Variants in TRIM33 observed in about 807,000 individuals in gnomAD.
The protein encoded by TRIM33 is tripartite motif containing 33.
In TRIM33, 20 loss-of-function variants were observed where a neutral mutation model predicts 125.4. The observed-to-expected ratio is 0.16, with a 90% confidence interval of 0.11 to 0.23. TRIM33 has a LOEUF of 0.23. Ranked by LOEUF, TRIM33 falls within the 10% of genes least tolerant of loss-of-function variation. The probability of loss-of-function intolerance (pLI) is 1.00; values close to 1 mark genes in which losing one functional copy is unlikely to be tolerated. For synonymous variants in TRIM33, 564 were observed against 513.9 expected (o/e 1.10, Z -1.32); for missense variants, 920 against 1,411.4 (o/e 0.65, Z 5.58).
At chr1:114,470,985 G>C (rs1650603279) in intron 1 of TRIM33, among the ~76,000 whole-genome samples, 1 of 152,172 alleles carries the variant, frequency 6.6e-6, no homozygotes, top group African/African-American at 2.4e-5. Context: ...TTTTTGTAAA[G>C]ACAGGGTCTC....
At chr1:114,414,029 A>G (rs766755973) in intron 11 of TRIM33, among the ~76,000 whole-genome samples, 100 of 49,412 alleles carry the variant, frequency 2.0e-3, no homozygotes, top group South Asian at 5.4e-3. Context: ...AATCACAGGC[A>G]CACACACACA....
At chr1:114,459,340 A>G (rs1557877514) in intron 4 of TRIM33, among the ~76,000 whole-genome samples, 2 of 152,210 alleles carry the variant, frequency 1.3e-5, no homozygotes, top group Non-Finnish European at 2.9e-5. Flanking sequence ...TGAAAGAGCA[A>G]GGGTTGGAGA....
intron 5 of TRIM33, among the ~76,000 whole-genome samples, chr1:114,432,785 CA>C (rs1425761319): frequency 1.3e-4 from 18 of 143,726 alleles, no homozygotes; most frequent in Non-Finnish European, 1.4e-4. Context: ...GACTCCGTCT[CA>C]AAAAAAAAAA....
intron 1 of TRIM33, among the ~76,000 whole-genome samples, chr1:114,481,633 A>G (rs1282166356): frequency 7.0e-6 from 1 of 143,836 alleles, no homozygotes; most frequent in East Asian, 1.9e-4. Context: ...AAAAAACTAT[A>G]TATATATGTG....
At chr1:114,456,381 A>G (rs1423752028) in intron 4 of TRIM33, among the ~76,000 whole-genome samples, 1 of 152,194 alleles carries the variant, frequency 6.6e-6, no homozygotes, top group African/African-American at 2.4e-5. Flanking sequence ...TGCTGGTGCC[A>G]ATGAATTCTT....
At chr1:114,426,485 T>G (rs535906216) in intron 8 of TRIM33, among the ~76,000 whole-genome samples, 22 of 152,156 alleles carry the variant, frequency 1.4e-4, no homozygotes, top group African/African-American at 4.1e-4. Context: ...ATATAATTTT[T>G]TTTTATTATA....
chr1:114,463,602 T>G, intron 2 of TRIM33, 46 bp from the exon 3 acceptor site: 2 of 1,162,348 alleles, frequency 1.7e-6, no homozygotes, highest in Non-Finnish European at 2.4e-6. Flanking sequence ...ACATAAAATC[T>G]AGATCTAAAA....
At chr1:114,407,671 G>A (rs1217518556) in intron 13 of TRIM33, among the ~76,000 whole-genome samples, 2 of 152,130 alleles carry the variant, frequency 1.3e-5, no homozygotes, top group Non-Finnish European at 2.9e-5. Flanking sequence ...ATGGAATAAT[G>A]TTCAGTGTTC....
At position 114,461,211 on chromosome 1, in the gene TRIM33, T is replaced by TAAA. The variant is rs569418875; in HGVS notation, c.923+1890_923+1892dup. Among the ~76,000 whole-genome samples, 851 of 96,130 alleles carry TAAA rather than the reference T, an allele frequency of 8.9e-3. 6 individuals carry two copies. Among genetic ancestry groups the TAAA allele is most frequent in the African/African-American group, 0.031 (783 of 25,050 alleles). 63.1% of individuals were successfully genotyped at this position (96,130 alleles called of 152,430 possible). A position where few individuals can be genotyped will look rare whatever the true frequency, so the allele number is the denominator to read the frequency against. On this transcript the variant is annotated intron_variant, in intron 4 of 19. Coordinates refer to ENST00000358465, the MANE Select transcript of TRIM33 (RefSeq NM_015906.4). ...GGGTGACAGAGCAAGAACCTGTCTT[T>TAAA]AAAAATATATATATATATATATATA... is the stretch of plus-strand genomic sequence containing the variant.
intron 5 of TRIM33, among the ~76,000 whole-genome samples, chr1:114,433,213 C>T (rs1383613822): frequency 2.6e-5 from 4 of 152,146 alleles, no homozygotes; most frequent in Admixed American, 2.0e-4. Context: ...TCTTATAATG[C>T]TACTCATTAA....
chr1:114,399,357 A>C, intron 18 of TRIM33, 100 bp downstream of exon 18: 1 of 1,198,328 alleles, frequency 8.3e-7, no homozygotes, highest in East Asian at 2.6e-5. Context: ...ACTTTAGCAG[A>C]AAAAAAAATT....
chr1:114,478,787 C>A (rs1651125425), intron 1 of TRIM33, among the ~76,000 whole-genome samples: 1 of 152,212 alleles, frequency 6.6e-6, no homozygotes, highest in Non-Finnish European at 1.5e-5. Flanking sequence ...GTGGCTCACT[C>A]CTGTAATCCC....
At chr1:114,425,832 G>T in intron 8 of TRIM33, 109 bp from the exon 9 acceptor site, 2 of 728,686 alleles carry the variant, frequency 2.7e-6, no homozygotes, top group Non-Finnish European at 4.5e-6. Flanking sequence ...GCACCTCAAA[G>T]CTCCAACAGT....
intron 4 of TRIM33, among the ~76,000 whole-genome samples, chr1:114,461,495 A>G (rs1160386498): frequency 6.6e-6 from 1 of 151,446 alleles, no homozygotes; most frequent in East Asian, 1.9e-4. Context: ...ATATGAGGGG[A>G]AACTGGTCAC....
At chr1:114,441,547 G>A (rs7540369) in intron 4 of TRIM33, among the ~76,000 whole-genome samples, 4,930 of 152,184 alleles carry the variant, frequency 0.032, 248 homozygotes, top group African/African-American at 0.11. Flanking sequence ...TGATGACAAC[G>A]TACAATTATT....
intron 15 of TRIM33, chr1:114,404,306 CT>C (rs541324658): frequency 1.1e-3 from 154 of 143,246 alleles, no homozygotes; most frequent in Non-Finnish European, 1.1e-3. Flanking sequence ...TGGCTAAGTT[CT>C]TTTTTTTTTT....
intron 10 of TRIM33, among the ~76,000 whole-genome samples, chr1:114,423,106 A>G (rs1049658038): frequency 6.6e-6 from 1 of 152,186 alleles, no homozygotes; most frequent in African/African-American, 2.4e-5. Flanking sequence ...TGTATATCCA[A>G]AAGAGTTTTG....
At chr1:114,408,229 A>G (rs949767521) in intron 13 of TRIM33, among the ~76,000 whole-genome samples, 13 of 152,166 alleles carry the variant, frequency 8.5e-5, no homozygotes, top group African/African-American at 2.9e-4. Flanking sequence ...AAATTAACTG[A>G]TAGTGATGTA....
intron 11 of TRIM33, 124 bp downstream of exon 11, chr1:114,421,312 T>C (rs565712087): frequency 8.7e-6 from 8 of 920,502 alleles, no homozygotes; most frequent in African/African-American, 5.0e-5. Flanking sequence ...GATTTAGACT[T>C]TACTCTTCAG....
Sources: gnomAD v4.1 joint callset for allele counts (sites outside exome capture counted in the v4.1 genomes callset) on GRCh38, gnomAD v4.1.1 for gene constraint, MANE v1.5 for transcripts, NCBI Gene and HGNC (gene_info 2026-07-23, HGNC 2026-07-21) for gene names.